Variants in CUX1 observed in about 807,000 individuals in gnomAD.
CUX1 encodes the protein protein CASP.
A neutral mutation model predicts 158.8 loss-of-function variants in CUX1; 31 were observed. The ratio of observed to expected loss-of-function variants is 0.20; its 90% CI spans 0.15 to 0.26. The LOEUF (loss-of-function observed/expected upper bound fraction) is 0.26. Among genes scored for constraint, CUX1 ranks in the 10% least tolerant of loss-of-function variants. The probability of loss-of-function intolerance (pLI) is 1.00; values close to 1 mark genes in which losing one functional copy is unlikely to be tolerated. For synonymous variants in CUX1, 879 were observed against 862.1 expected (o/e 1.02, Z -0.34); for missense variants, 1,589 against 2,014.6 (o/e 0.79, Z 4.04).
intron 20 of CUX1, chr7:102,280,929 C>T (rs1792018556): frequency 1.4e-6 from 2 of 1,467,744 alleles, no homozygotes; most frequent in African/African-American, 2.8e-5. Context: ...CACCTCTTCA[C>T]CTGCCCTGCA....
chr7:101,882,925 C>A (rs1277567624), intron 1 of CUX1, among the ~76,000 whole-genome samples: 2 of 152,130 alleles, frequency 1.3e-5, no homozygotes, highest in African/African-American at 4.8e-5. Context: ...GGGATAAAGC[C>A]TTTTTCGGGC....
intron 2 of CUX1, among the ~76,000 whole-genome samples, chr7:101,922,891 A>G (rs2906654): frequency 6.6e-6 from 1 of 152,162 alleles, no homozygotes; most frequent in African/African-American, 2.4e-5. Context: ...AGCAGCAGCT[A>G]TCTGGAAGCC....
At chr7:102,282,677 C>T (rs782307072) in intron 21 of CUX1, 65 of 1,605,650 alleles carry the variant, frequency 4.0e-5, no homozygotes, top group South Asian at 8.9e-5. Flanking sequence ...GGCCTTGAGG[C>T]GAACGGGCAG....
At chr7:101,840,819 C>T (rs530322704) in intron 1 of CUX1, among the ~76,000 whole-genome samples, 1 of 152,204 alleles carries the variant, frequency 6.6e-6, no homozygotes, top group East Asian at 1.9e-4. Flanking sequence ...AGAATGGTGG[C>T]TGGGAGGCAT....
At chr7:102,009,854 C>T (rs183996930) in intron 2 of CUX1, among the ~76,000 whole-genome samples, 98 of 152,350 alleles carry the variant, frequency 6.4e-4, no homozygotes, top group African/African-American at 1.0e-3. Flanking sequence ...TGCTGCCTAA[C>T]GTTCTTGCCA....
intron 1 of CUX1, among the ~76,000 whole-genome samples, chr7:101,871,088 G>A (rs1798472111): frequency 6.6e-6 from 1 of 152,090 alleles, no homozygotes; most frequent in African/African-American, 2.4e-5. Context: ...GCAGGCCATT[G>A]GAGAGCATTC....
chr7:102,117,784 A>G (rs1390987844), intron 8 of CUX1, among the ~76,000 whole-genome samples: 1 of 152,226 alleles, frequency 6.6e-6, no homozygotes, highest in Non-Finnish European at 1.5e-5. Flanking sequence ...GTGAAGATGC[A>G]AGCCTGGCGA....
In CUX1 at chr7:102,128,929, G is replaced by A. The variant is rs1405695291; in HGVS notation, c.674+13656G>A. Among the ~76,000 whole-genome samples the A allele has an allele frequency of 2.0e-5, 3 of 151,902 alleles. 1 individual carries two copies. Among genetic ancestry groups the A allele is most frequent in the African/African-American group, 7.2e-5 (3 of 41,410 alleles). On this transcript the variant is annotated intron_variant, in intron 8 of 23. Coordinates refer to ENST00000292535, the MANE Select transcript of CUX1 (RefSeq NM_181552.4). The stretch of plus-strand genomic sequence containing the variant: ...GGAGGTGGAGGTTGCAGTGAGCTGA[G>A]ATCCCGCCACTGCACTCCAGCCTGG...
chr7:101,884,779 T>C (rs551764393), intron 1 of CUX1, among the ~76,000 whole-genome samples: 1 of 152,234 alleles, frequency 6.6e-6, no homozygotes, highest in Non-Finnish European at 1.5e-5. Context: ...TTAATGGATA[T>C]TTACACAGTG....
chr7:101,833,281 G>A (rs1235104912), intron 1 of CUX1, among the ~76,000 whole-genome samples: 7 of 151,390 alleles, frequency 4.6e-5, no homozygotes, highest in Admixed American at 3.9e-4. Flanking sequence ...CAGCATGGTG[G>A]CTCACACCTG....
chr7:102,190,004 G>A (rs1175118048), intron 12 of CUX1, 133 bp downstream of exon 12: 12 of 891,944 alleles, frequency 1.3e-5, no homozygotes, highest in Non-Finnish European at 2.1e-5. Flanking sequence ...AATGCAGCCA[G>A]AGTTCTACCA....
chr7:102,073,474 A>AG (rs1163030016), intron 4 of CUX1, among the ~76,000 whole-genome samples: 1 of 152,130 alleles, frequency 6.6e-6, no homozygotes, highest in African/African-American at 2.4e-5. Flanking sequence ...TGCCCAGCCT[A>AG]GCTGCTGTTT....
intron 20 of CUX1, chr7:102,281,688 A>C: frequency 6.5e-6 from 4 of 619,948 alleles, no homozygotes; most frequent in Non-Finnish European, 8.7e-6. Context: ...CCAGCAGCCC[A>C]TGTCCCTGGC....
In CUX1 at chr7:102,257,233, C is replaced by G. The variant is rs1189474852; in HGVS notation, c.*8191C>G. 5.0e-5 allele frequency: 49 copies of G among 985,142 alleles called. No homozygotes were observed. Among genetic ancestry groups the G allele is most frequent in the Admixed American group, 6.2e-5 (1 of 16,246 alleles). 61.0% of individuals were successfully genotyped at this position (985,142 alleles called of 1,614,324 possible). A position where few individuals can be genotyped will look rare whatever the true frequency, so the allele number is the denominator to read the frequency against. On this transcript the variant is annotated 3_prime_UTR_variant, in exon 24 of 24. Coordinates refer to ENST00000292535, the MANE Select transcript of CUX1 (RefSeq NM_181552.4). ...ATCACCTCCCCTTCTCCAAGATTGCCGGGGGCCCTGATTTTGTTCTCTCTT... is the reference window on the plus strand; with the variant it reads ...ATCACCTCCCCTTCTCCAAGATTGCGGGGGGCCCTGATTTTGTTCTCTCTT...
At chr7:102,039,216 A>G (rs1277187816) in intron 3 of CUX1, among the ~76,000 whole-genome samples, 2 of 152,194 alleles carry the variant, frequency 1.3e-5, no homozygotes, top group Admixed American at 1.3e-4. Context: ...CATCTTACAG[A>G]TAAAAGGACT....
chr7:101,931,142 TTTTCCATAGG>T (rs1237444294), intron 2 of CUX1, among the ~76,000 whole-genome samples: 3 of 152,198 alleles, frequency 2.0e-5, no homozygotes, highest in Non-Finnish European at 4.4e-5. Context: ...GACTCGTCCC[TTTTCCATAGG>T]TGTCCTTATT....
chr7:102,133,244 C>T (rs1330593078), intron 8 of CUX1, among the ~76,000 whole-genome samples: 21 of 152,060 alleles, frequency 1.4e-4, no homozygotes, highest in Non-Finnish European at 2.2e-4. Context: ...ACTCAAACTC[C>T]ACCGTCCTAT....
chr7:102,048,456 G>C (rs1383421686), intron 3 of CUX1, among the ~76,000 whole-genome samples: 2 of 152,124 alleles, frequency 1.3e-5, no homozygotes, highest in African/African-American at 2.4e-5. Flanking sequence ...TTAGAACCCA[G>C]GTGTTTGAAC....
chr7:102,204,285 C>T lies in CUX1; in HGVS notation c.2908-106C>T, dbSNP rs186632921. On this transcript the variant is annotated intron_variant, in intron 18 of 23. Coordinates refer to ENST00000292535, the MANE Select transcript of CUX1 (RefSeq NM_181552.4). ...AGGCCGTGGTTCTGTGCTCAGAAGT[C>T]AGCCCTAGACGCGCCCTCTGCGTGG... 5.6e-6 allele frequency: 8 copies of T among 1,430,472 alleles called. No homozygotes were observed. In the East Asian group the frequency reaches 1.4e-4, roughly 25 times the overall value. 88.6% of individuals were successfully genotyped at this position (1,430,472 alleles called of 1,614,324 possible).
Sources: allele counts gnomAD v4.1 joint callset (sites outside exome capture counted in the v4.1 genomes callset), GRCh38; gene constraint gnomAD v4.1.1; transcripts MANE v1.5; gene names NCBI Gene and HGNC (gene_info 2026-07-23, HGNC 2026-07-21).